Variants in SEL1L3 observed in about 807,000 individuals in gnomAD.
SEL1L3 encodes SEL1L family member 3.
In SEL1L3, 76 loss-of-function variants were observed where a neutral mutation model predicts 142.8. That is an observed-to-expected ratio of 0.53 (90% CI 0.44 to 0.64). The LOEUF is 0.64. Ranked by LOEUF, SEL1L3 falls within the 30% of genes least tolerant of loss-of-function variation. The pLI, the probability that SEL1L3 is intolerant of heterozygous loss-of-function variation, is 0.00. For synonymous variants in SEL1L3, 504 were observed against 519.6 expected (o/e 0.97, Z 0.41); for missense variants, 1,262 against 1,381.7 (o/e 0.91, Z 1.37).
At position 25,805,324 on chromosome 4, in the gene SEL1L3, C is replaced by A. The variant is rs56115212; in HGVS notation, c.1565-572G>T. Among the ~76,000 whole-genome samples the A allele has an allele frequency of 6.5e-3, 986 of 152,258 alleles. 13 individuals are homozygous for A. Among genetic ancestry groups the A allele is most frequent in the South Asian group, 0.032 (156 of 4,816 alleles). ...TGTAAATTATGTCATTTAATTGGTA[C>A]ACTTTTATAAGGTCGGTACTATTTT... On this transcript the variant is annotated intron_variant, in intron 9 of 23. Transcript: ENST00000399878.
intron 20 of SEL1L3, 105 bp from the exon 21 acceptor site, chr4:25,759,173 A>G: frequency 8.3e-7 from 1 of 1,203,880 alleles, no homozygotes; most frequent in Non-Finnish European, 1.2e-6. Flanking sequence ...ATTTTTTTTA[A>G]GTCTCTAGAG....
chr4:25,782,205 C>A, intron 15 of SEL1L3, 37 bp downstream of exon 15: 3 of 1,579,208 alleles, frequency 1.9e-6, no homozygotes, highest in Non-Finnish European at 8.7e-7. Context: ...GATCAAGTGA[C>A]TGACTAGTTG....
chr4:25,826,461 G>A (rs1210393214), intron 6 of SEL1L3, among the ~76,000 whole-genome samples: 1 of 152,048 alleles, frequency 6.6e-6, no homozygotes, highest in Admixed American at 6.5e-5. Flanking sequence ...TCACTGACTT[G>A]GCCCACTCTA....
intron 3 of SEL1L3, 121 bp downstream of exon 3, chr4:25,835,076 T>C: frequency 8.0e-7 from 1 of 1,243,762 alleles, no homozygotes; most frequent in Admixed American, 2.2e-5. Context: ...AATCTCAACA[T>C]TTTTGCAAAA....
chr4:25,815,461 T>G (rs554251491), intron 9 of SEL1L3, among the ~76,000 whole-genome samples: 6 of 152,320 alleles, frequency 3.9e-5, no homozygotes, highest in Admixed American at 3.9e-4. Flanking sequence ...TAAATTCTTA[T>G]AAACAGAATT....
chr4:25,736,213 T>TTGTGTGTGTGTGTGTGTGTGTGTG, the SEL1L3 span, among the ~76,000 whole-genome samples: 2,854 of 130,512 alleles, frequency 0.022, 155 homozygotes, highest in East Asian at 0.071. Context: ...TGCCATAAGA[T>TTGTGTGTGTGTGTGTGTGTGTGTG]TGTGTGTCTG....
In SEL1L3 at chr4:25,862,970, A is replaced by G; in HGVS notation, c.-134T>C. The G allele has an allele frequency of 9.9e-6, 5 of 504,614 alleles. No individual in the cohort carries two copies. Among genetic ancestry groups the G allele is most frequent in the Non-Finnish European group, 1.2e-5 (5 of 408,228 alleles). 31.3% of individuals were successfully genotyped at this position (504,614 alleles called of 1,614,324 possible). A position where few individuals can be genotyped will look rare whatever the true frequency, so the allele number is the denominator to read the frequency against. Reference sequence around the variant, plus strand: ...CGGGGCCACCTGCCGCCACCTCCGGACCCGCCGCCGCCGCCACTGCCGCTC... The same window carrying G: ...CGGGGCCACCTGCCGCCACCTCCGGGCCCGCCGCCGCCGCCACTGCCGCTC... On this transcript the variant is annotated 5_prime_UTR_variant, in exon 1 of 24. Coordinates refer to ENST00000399878, the MANE Select transcript of SEL1L3 (RefSeq NM_015187.5).
chr4:25,761,971 T>C (rs937682484), intron 20 of SEL1L3, among the ~76,000 whole-genome samples: 2 of 152,232 alleles, frequency 1.3e-5, no homozygotes, highest in Non-Finnish European at 2.9e-5. Context: ...TTCTATTTTT[T>C]GAGATGGAAT....
At chr4:25,766,783 A>G (rs1419739899) in intron 19 of SEL1L3, among the ~76,000 whole-genome samples, 1 of 152,146 alleles carries the variant, frequency 6.6e-6, no homozygotes, top group Admixed American at 6.5e-5. Flanking sequence ...CAAAGGTAGA[A>G]GTACTTGGAC....
At position 25,812,990 on chromosome 4, in the gene SEL1L3, C is replaced by T. The variant is rs199981033; in HGVS notation, c.1564+5148G>A. 4.6e-5 allele frequency among the ~76,000 whole-genome samples: 7 copies of T among 152,150 alleles called. No homozygotes were observed. The East Asian group carries it at 5.8e-4, about 13-fold the overall frequency. ...ATCTGCCACTGCACTCCAGCCTGGG[C>T]GACAGAGCCAGATTCTGTCTCAAAA... On this transcript the variant is annotated intron_variant, in intron 9 of 23. Transcript: ENST00000399878.
intron 20 of SEL1L3, among the ~76,000 whole-genome samples, chr4:25,763,779 GC>G (rs1718539615): frequency 6.6e-6 from 1 of 152,178 alleles, no homozygotes; most frequent in Non-Finnish European, 1.5e-5. Flanking sequence ...GACCAAGGCT[GC>G]AGTGAGCTGA....
chr4:25,737,916 G>A, the SEL1L3 span, among the ~76,000 whole-genome samples: 1 of 151,878 alleles, frequency 6.6e-6, no homozygotes, highest in South Asian at 2.1e-4. Context: ...TTGAGACAGA[G>A]TCTCACTCTG....
intron 17 of SEL1L3, chr4:25,773,674 TA>T (rs1186495448): frequency 6.6e-6 from 1 of 152,100 alleles, no homozygotes; most frequent in Non-Finnish European, 1.5e-5. Context: ...ATAAATTAAA[TA>T]AAAAACTATT....
chr4:25,858,649 G>T (rs749795548), intron 1 of SEL1L3, among the ~76,000 whole-genome samples: 1 of 151,958 alleles, frequency 6.6e-6, no homozygotes, highest in Non-Finnish European at 1.5e-5. Flanking sequence ...GCAGCGGCGC[G>T]ATCTCAGCTC....
the SEL1L3 span, among the ~76,000 whole-genome samples, chr4:25,717,836 G>A: frequency 1.2e-3 from 183 of 152,150 alleles, no homozygotes; most frequent in Non-Finnish European, 2.1e-3. Flanking sequence ...GATAATTATA[G>A]TAGCTAGAAG....
intron 20 of SEL1L3, 112 bp downstream of exon 20, chr4:25,765,214 G>C: frequency 1.4e-6 from 1 of 719,750 alleles, no homozygotes; most frequent in East Asian, 2.5e-5. Context: ...GGCTGGTCCC[G>C]AATTCCTGAC....
intron 23 of SEL1L3, 31 bp downstream of exon 23, chr4:25,757,503 T>G: frequency 8.4e-7 from 1 of 1,194,518 alleles, no homozygotes; most frequent in South Asian, 1.5e-5. Context: ...TTTTTTTTAA[T>G]ATATTGCTTT....
chr4:25,751,429 C>T (rs6848500), intron 23 of SEL1L3, among the ~76,000 whole-genome samples: 23,232 of 151,892 alleles, frequency 0.15, 2,150 homozygotes, highest in African/African-American at 0.26. Flanking sequence ...GCTGCAAAGC[C>T]AATGGACCTA....
In SEL1L3 at chr4:25,833,591, A is replaced by G. The variant is rs200666254; in HGVS notation, c.861-22T>C. 1.2e-4 allele frequency: 197 copies of G among 1,587,886 alleles called. No individual in the cohort carries two copies. The African/African-American group carries it at 2.3e-3, about 18-fold the overall frequency. ...AAACCTATAAGAGTGAGGGGGAAAA[A>G]AATTCTGCAGATTGATATCATCCAA... is the stretch of plus-strand genomic sequence containing the variant. On this transcript the variant is annotated intron_variant, in intron 3 of 23. Transcript: ENST00000399878.
Sources: allele counts gnomAD v4.1 joint callset (sites outside exome capture counted in the v4.1 genomes callset), GRCh38; gene constraint gnomAD v4.1.1; transcripts MANE v1.5; gene names NCBI Gene and HGNC (gene_info 2026-07-23, HGNC 2026-07-21).